The following FHIT variants were observed in gnomAD, a reference collection of about 807,000 sequenced individuals.
FHIT encodes the protein bis(5'-adenosyl)-triphosphatase.
Under a neutral mutation model 17.9 loss-of-function variants are expected in FHIT, and 19 were observed. The ratio of observed to expected loss-of-function variants is 1.06; its 90% CI spans 0.74 to 1.56. The LOEUF (loss-of-function observed/expected upper bound fraction) is 1.56. Among genes scored for constraint, FHIT ranks in the 40% most tolerant of loss-of-function variants. FHIT has a pLI of 0.00. For missense variants in FHIT, 248 were observed against 189.2 expected (o/e 1.31, Z -1.82); for synonymous variants, 81 against 69.7 (o/e 1.16, Z -0.81).
intron 3 of FHIT, among the ~76,000 whole-genome samples, chr3:60,887,633 T>G (rs1705289402): frequency 6.6e-6 from 1 of 151,318 alleles, no homozygotes; most frequent in Non-Finnish European, 1.5e-5. Context: ...GCAACAAGAG[T>G]GAAACTCCGT....
chr3:61,075,318 A>C (rs564224680), intron 2 of FHIT, among the ~76,000 whole-genome samples: 3 of 152,262 alleles, frequency 2.0e-5, no homozygotes, highest in South Asian at 4.2e-4. Context: ...GAGTACTATA[A>C]GGGATGTTTG....
chr3:60,559,111 T>C (rs2036843320), intron 4 of FHIT, among the ~76,000 whole-genome samples: 1 of 152,202 alleles, frequency 6.6e-6, no homozygotes, highest in Admixed American at 6.5e-5. Flanking sequence ...TGTGATATAA[T>C]TTTTAAATTA....
chr3:60,563,370 T>C (rs909661135), intron 4 of FHIT, among the ~76,000 whole-genome samples: 7 of 152,208 alleles, frequency 4.6e-5, no homozygotes, highest in South Asian at 2.1e-4. Context: ...GCTTCTCAGA[T>C]ATTGCATTTT....
At chr3:60,522,624 C>T (rs541392833) in intron 5 of FHIT, among the ~76,000 whole-genome samples, 1 of 152,216 alleles carries the variant, frequency 6.6e-6, no homozygotes, top group Non-Finnish European at 1.5e-5. Flanking sequence ...AGACTCAGAA[C>T]ATATTTTTGA....
chr3:60,660,966 A>C (rs1440510418), intron 4 of FHIT, among the ~76,000 whole-genome samples: 1 of 151,866 alleles, frequency 6.6e-6, no homozygotes, highest in Admixed American at 6.6e-5. Flanking sequence ...CAAAAGTTTT[A>C]ATGTTGATGA....
At chr3:60,755,821 T>G (rs1239057949) in intron 4 of FHIT, among the ~76,000 whole-genome samples, 3 of 152,214 alleles carry the variant, frequency 2.0e-5, no homozygotes, top group Non-Finnish European at 4.4e-5. Flanking sequence ...AGGGACTGTA[T>G]CTTTGTTTTA....
chr3:60,335,734 A>G (rs1350471974), intron 5 of FHIT, among the ~76,000 whole-genome samples: 9 of 152,156 alleles, frequency 5.9e-5, no homozygotes, highest in Non-Finnish European at 1.3e-4. Context: ...AAAATTTATT[A>G]GATATATTGG....
chr3:60,286,211 A>C (rs1341410244), intron 5 of FHIT, among the ~76,000 whole-genome samples: 2 of 152,206 alleles, frequency 1.3e-5, no homozygotes, highest in African/African-American at 4.8e-5. Flanking sequence ...AATGAACTAG[A>C]AATGCAGGTG....
chr3:60,357,624 GAC>G (rs1699728905), intron 5 of FHIT, among the ~76,000 whole-genome samples: 1 of 152,062 alleles, frequency 6.6e-6, no homozygotes, highest in Non-Finnish European at 1.5e-5. Flanking sequence ...AGGATCAATT[GAC>G]ATCAACCCTA....
chr3:60,512,931 C>A (rs1396104499), intron 5 of FHIT, among the ~76,000 whole-genome samples: 5 of 152,114 alleles, frequency 3.3e-5, no homozygotes, highest in Admixed American at 1.3e-4. Flanking sequence ...AATTTAGGAA[C>A]CTTGACTGGA....
At chr3:60,211,089 A>G (rs213326) in intron 5 of FHIT, among the ~76,000 whole-genome samples, 59,361 of 140,880 alleles carry the variant, frequency 0.42, 13,120 homozygotes, top group African/African-American at 0.5. Context: ...AAAAAAAAAG[A>G]AGAGGAGGAA....
At chr3:59,863,615 G>A (rs1179366303) in intron 8 of FHIT, among the ~76,000 whole-genome samples, 4 of 152,196 alleles carry the variant, frequency 2.6e-5, no homozygotes, top group Non-Finnish European at 2.9e-5. Flanking sequence ...CTAGCTCATA[G>A]TAGGGAGTCA....
intron 3 of FHIT, among the ~76,000 whole-genome samples, chr3:60,978,782 A>G (rs1368348887): frequency 6.6e-6 from 1 of 152,234 alleles, no homozygotes; most frequent in Non-Finnish European, 1.5e-5. Flanking sequence ...CAACCGTTCT[A>G]TCTACAGGTA....
At chr3:61,067,653 A>G (rs2034658720) in intron 2 of FHIT, among the ~76,000 whole-genome samples, 1 of 152,190 alleles carries the variant, frequency 6.6e-6, no homozygotes, top group African/African-American at 2.4e-5. Flanking sequence ...AGCATTCACC[A>G]ACAATCACAT....
intron 2 of FHIT, among the ~76,000 whole-genome samples, chr3:61,155,676 G>A (rs890220017): frequency 3.3e-5 from 5 of 152,120 alleles, no homozygotes; most frequent in Non-Finnish European, 7.3e-5. Flanking sequence ...TGATTATGCT[G>A]TGCAGAAAAG....
intron 5 of FHIT, among the ~76,000 whole-genome samples, chr3:60,265,109 A>G (rs907489732): frequency 6.6e-6 from 1 of 151,820 alleles, no homozygotes; most frequent in Non-Finnish European, 1.5e-5. Flanking sequence ...GGCTCCTTTC[A>G]ATGAAAAGTC....
chr3:60,924,267 G>T (rs1480198053), intron 3 of FHIT, among the ~76,000 whole-genome samples: 1 of 152,186 alleles, frequency 6.6e-6, no homozygotes, highest in Non-Finnish European at 1.5e-5. Context: ...CTCCTCAAGT[G>T]GGTCCCTGAC....
intron 4 of FHIT, among the ~76,000 whole-genome samples, chr3:60,560,055 A>C (rs548428777): frequency 6.6e-6 from 1 of 152,014 alleles, no homozygotes; most frequent in South Asian, 2.1e-4. Flanking sequence ...TACCAAAATT[A>C]AACTGTAACA....
intron 8 of FHIT, among the ~76,000 whole-genome samples, chr3:59,890,940 A>G (rs539910060): frequency 5.7e-4 from 87 of 152,320 alleles, no homozygotes; most frequent in African/African-American, 2.0e-3. Flanking sequence ...CAAAGAGCAC[A>G]CACTTTGAGA....
Sources: gnomAD v4.1 joint callset for allele counts (sites outside exome capture counted in the v4.1 genomes callset) on GRCh38, gnomAD v4.1.1 for gene constraint, MANE v1.5 for transcripts, NCBI Gene and HGNC (gene_info 2026-07-23, HGNC 2026-07-21) for gene names.